Variants in COL4A2 observed in about 807,000 individuals in gnomAD.
COL4A2 encodes collagen type IV alpha 2 chain.
In COL4A2, 99 loss-of-function variants were observed where a neutral mutation model predicts 200.2. That is an observed-to-expected ratio of 0.49 (90% CI 0.42 to 0.58). The LOEUF (loss-of-function observed/expected upper bound fraction) is 0.58, where lower values mean the gene tolerates loss of function less well. COL4A2 is among the 20% of genes least tolerant of loss of function. The probability of loss-of-function intolerance (pLI) is 0.00; values close to 1 mark genes in which losing one functional copy is unlikely to be tolerated. For synonymous variants in COL4A2, 897 were observed against 900.6 expected (o/e 1.00, Z 0.07); for missense variants, 1,950 against 2,314.1 (o/e 0.84, Z 3.23).
chr13:110,367,548 T>C (rs1888004), intron 4 of COL4A2, among the ~76,000 whole-genome samples: 60,797 of 152,168 alleles, frequency 0.4, 12,274 homozygotes, highest in Middle Eastern at 0.56. Context: ...GATTATGGCA[T>C]TGTAAAAGTC....
intron 3 of COL4A2, among the ~76,000 whole-genome samples, chr13:110,331,708 T>C (rs1292887620): frequency 6.6e-6 from 1 of 152,180 alleles, no homozygotes; most frequent in Admixed American, 6.5e-5. Flanking sequence ...CAAAAGAATG[T>C]GCTATCTAGT....
rs947129017 is a variant in COL4A2, at chr13:110,358,006, C to T, written c.180+454C>T. ...TGGGTCTTAGGCGGCCCTAAACTTA[C>T]GTTTTCAATATTTTTCTTTCTTCAG... is the stretch of plus-strand genomic sequence containing the variant. On this transcript the variant is annotated intron_variant, in intron 4 of 47. Transcript: ENST00000360467. 2.6e-5 allele frequency among the ~76,000 whole-genome samples: 4 copies of T among 152,078 alleles called. No individual in the cohort carries two copies. In the East Asian group the frequency reaches 5.8e-4, roughly 22 times the overall value.
Position 110,307,746 on chromosome 13 carries a change from C to G in COL4A2, c.-44-114C>G. ...TGGGGGGGACGGCCCTCCGGTCACC[C>G]CTGCATGCGGGCCGCGCACCGCGCT... On this transcript the variant is annotated intron_variant, in intron 1 of 47. Transcript: ENST00000360467. The surrounding 1 kb of genome is among the most constrained non-coding windows in gnomAD (Gnocchi z 5.0). 2.0e-6 allele frequency: 2 copies of G among 997,548 alleles called. No individual in the cohort carries two copies. The highest frequency in any genetic ancestry group is 2.9e-6 in the Non-Finnish European group (2 of 692,238). 61.8% of individuals were successfully genotyped at this position (997,548 alleles called of 1,614,324 possible). A position where few individuals can be genotyped will look rare whatever the true frequency, so the allele number is the denominator to read the frequency against.
intron 25 of COL4A2, 109 bp from the exon 26 acceptor site, chr13:110,465,894 C>A: frequency 7.4e-7 from 1 of 1,345,032 alleles, no homozygotes; most frequent in South Asian, 1.4e-5. Flanking sequence ...TTCCTGCCCC[C>A]ACCAGCAACA....
chr13:110,336,011 C>A (rs935057868), intron 3 of COL4A2, among the ~76,000 whole-genome samples: 2 of 152,306 alleles, frequency 1.3e-5, no homozygotes, highest in East Asian at 3.9e-4. Context: ...TGGATGGCCA[C>A]TTCATTACTT....
chr13:110,451,481 G>C (rs1431856972), intron 20 of COL4A2, among the ~76,000 whole-genome samples: 1 of 152,204 alleles, frequency 6.6e-6, no homozygotes, highest in East Asian at 1.9e-4. Context: ...GGGCTTGGGA[G>C]GCCTCGGGAA....
At chr13:110,503,589 A>G (rs1300044913) in intron 43 of COL4A2, 108 bp downstream of exon 43, 3 of 753,282 alleles carry the variant, frequency 4.0e-6, no homozygotes, top group East Asian at 2.7e-5. Context: ...CATGGGTCAC[A>G]TGTTGTAAAG....
At chr13:110,393,812 G>C (rs2139424587) in intron 4 of COL4A2, among the ~76,000 whole-genome samples, 1 of 152,308 alleles carries the variant, frequency 6.6e-6, no homozygotes, top group Middle Eastern at 3.4e-3. Context: ...CTGGGAGGCA[G>C]AGGTTACAGG....
chr13:110,428,146 T>G (rs923504030), intron 6 of COL4A2, among the ~76,000 whole-genome samples: 5 of 151,788 alleles, frequency 3.3e-5, no homozygotes, highest in Admixed American at 6.6e-5. Context: ...TTCCTAGAAT[T>G]TTTGAAATGT....
At position 110,439,648 on chromosome 13, in the gene COL4A2, T is replaced by G. The variant is rs7991229; in HGVS notation, c.913-141T>G. ...ATTGAATTTGGCAATTTGTTGCTAT[T>G]CTTCAAAATCTGGACCTGAGACTTG... On this transcript the variant is annotated intron_variant, in intron 15 of 47. Transcript: ENST00000360467. 544,406 of 1,365,852 alleles carry G rather than the reference T, an allele frequency of 0.4. 112,239 individuals carry two copies. Among genetic ancestry groups the G allele is most frequent in the Non-Finnish European group, 0.43 (424,263 of 989,116 alleles). 84.6% of individuals were successfully genotyped at this position (1,365,852 alleles called of 1,614,324 possible).
intron 3 of COL4A2, among the ~76,000 whole-genome samples, chr13:110,314,492 TA>T (rs1464923904): frequency 1.3e-5 from 2 of 152,192 alleles, no homozygotes; most frequent in African/African-American, 4.8e-5. Flanking sequence ...GAAGCCTGAG[TA>T]AAAGGATTTT....
At chr13:110,476,879 ACC>A (rs1449801621) in intron 29 of COL4A2, among the ~76,000 whole-genome samples, 2 of 152,216 alleles carry the variant, frequency 1.3e-5, no homozygotes, top group Non-Finnish European at 2.9e-5. Context: ...GTGCACACAC[ACC>A]CACACACACA....
chr13:110,456,467 T>C, intron 20 of COL4A2: 1 of 323,062 alleles, frequency 3.1e-6, no homozygotes, highest in South Asian at 2.5e-5. Context: ...CCAAGTTACA[T>C]GATCAAAAAA....
rs774569479 is a variant in COL4A2, at chr13:110,503,196, C to T, written c.3953C>T (p.Ala1318Val). 3 of 1,614,022 alleles carry T rather than the reference C, an allele frequency of 1.9e-6. No individual in the cohort carries two copies. The highest frequency in any genetic ancestry group is 2.2e-5 in the East Asian group (1 of 44,878). The change falls in exon 42 of 48, where the codon GCT (alanine) becomes GTT (valine). Residue 1318 changes from alanine (A) to valine (V), a missense_variant. This residue lies in a region of COL4A2 where 1,385 missense variants were observed against 1,720.5 expected (regional missense o/e 0.80). Transcript: ENST00000360467. The stretch of plus-strand genomic sequence containing the variant: ...AAAGGTGACACAGGGAACCCAGGAG[C>T]TCCAGGAACCCCAGGGACCAAAGGA... Reference protein sequence around the residue: ...GSKGDTGNPGAPGTPGTKGWA... With the variant: ...GSKGDTGNPGVPGTPGTKGWA...
At chr13:110,365,052 T>A (rs932020117) in intron 4 of COL4A2, among the ~76,000 whole-genome samples, 4 of 152,212 alleles carry the variant, frequency 2.6e-5, no homozygotes, top group Non-Finnish European at 2.9e-5. Context: ...GAATACATAT[T>A]GTTTTTAAAT....
chr13:110,375,932 G>A (rs1878219757), intron 4 of COL4A2, among the ~76,000 whole-genome samples: 1 of 152,162 alleles, frequency 6.6e-6, no homozygotes, highest in Non-Finnish European at 1.5e-5. Flanking sequence ...CTTCTGTGCT[G>A]CAGAAGCATT....
At chr13:110,505,196 A>G (rs961907385) in intron 45 of COL4A2, among the ~76,000 whole-genome samples, 1 of 151,708 alleles carries the variant, frequency 6.6e-6, no homozygotes, top group Non-Finnish European at 1.5e-5. Flanking sequence ...TAAAAATACA[A>G]AAAATTAGCC....
intron 3 of COL4A2, among the ~76,000 whole-genome samples, chr13:110,346,120 T>G (rs956479325): frequency 7.9e-5 from 12 of 152,190 alleles, no homozygotes; most frequent in Non-Finnish European, 1.8e-4. Flanking sequence ...GAGGTGAATT[T>G]GGAAATGAGG....
intron 33 of COL4A2, among the ~76,000 whole-genome samples, 166 bp from the exon 34 acceptor site, chr13:110,485,489 C>G (rs1231823606): frequency 2.8e-5 from 4 of 144,224 alleles, no homozygotes; most frequent in Non-Finnish European, 6.0e-5. Flanking sequence ...CGCCACTGCA[C>G]TCCAGCCTGG....
Sources: gnomAD v4.1 joint callset for allele counts (sites outside exome capture counted in the v4.1 genomes callset) on GRCh38, gnomAD v4.1.1 for gene constraint, gnomAD v4.1.1 regional missense constraint, Gnocchi (gnomAD v3.1) non-coding constraint, MANE v1.5 for transcripts, NCBI Gene and HGNC (gene_info 2026-07-23, HGNC 2026-07-21) for gene names.